SIGLEC12: variants seen among roughly 807,000 people sequenced by gnomAD.
SIGLEC12 encodes the protein sialic acid binding Ig like lectin 12.
In SIGLEC12, 43 loss-of-function variants were observed where a neutral mutation model predicts 54.1. That is an observed-to-expected ratio of 0.80 (90% CI 0.62 to 1.03). SIGLEC12 has a LOEUF of 1.03. SIGLEC12 is among the 50% of genes least tolerant of loss of function. SIGLEC12 has a pLI of 0.00. For missense variants in SIGLEC12, 802 were observed against 735.2 expected, an observed-to-expected ratio of 1.09 and a Z score of -1.05; for synonymous variants, 357 against 307.6, an observed-to-expected ratio of 1.16 and a Z score of -1.68.
At chr19:51,492,646 A>G (rs1333410719) in intron 7 of SIGLEC12, among the ~76,000 whole-genome samples, 2 of 152,196 alleles carry the variant, frequency 1.3e-5, no homozygotes, top group African/African-American at 4.8e-5. Flanking sequence ...CCTTACAAGT[A>G]GTGAAAGGAG....
At position 51,499,719 on chromosome 19, in the gene SIGLEC12, G is replaced by C. The variant is rs1990340882; in HGVS notation, c.809-3C>G. Reference sequence around the variant, plus strand: ...GAAGGTGGGCATGTGAGTCAGGGCTGGTGATGAAAGGGAGACAGGCAAAAT... The same window carrying C: ...GAAGGTGGGCATGTGAGTCAGGGCTCGTGATGAAAGGGAGACAGGCAAAAT... On this transcript the variant is annotated splice_region_variant and splice_polypyrimidine_tract_variant and intron_variant, in intron 2 of 7. Coordinates refer to ENST00000291707, the MANE Select transcript of SIGLEC12 (RefSeq NM_053003.4). 6.2e-7 allele frequency: 1 copy of C among 1,613,430 alleles called. No individual in the cohort carries two copies. The highest frequency in any genetic ancestry group is 1.3e-5 in the African/African-American group (1 of 74,916).
rs1242593837 is a variant in SIGLEC12 at position 51,499,141 on chromosome 19, C to G, written c.1135+29G>C. ...CCCCTGAGTTGAAGGCTCTGCTCCT[C>G]CAGCCCCAGGGAGAGGACTCCATCT... is the stretch of plus-strand genomic sequence containing the variant. On this transcript the variant is annotated intron_variant, in intron 4 of 7. Coordinates refer to ENST00000291707, the MANE Select transcript of SIGLEC12 (RefSeq NM_053003.4). The G allele has an allele frequency of 3.7e-6, 6 of 1,613,076 alleles. No homozygotes were observed. The East Asian group carries it at 1.1e-4, about 30-fold the overall frequency.
rs760985076 is a variant in SIGLEC12, at chr19:51,496,862, G to A, written c.1599+18C>T. On this transcript the variant is annotated intron_variant, in intron 7 of 7. Coordinates refer to ENST00000291707, the MANE Select transcript of SIGLEC12 (RefSeq NM_053003.4). ...GGAGAAAGCAGGGGAGAAGGGCTGTGATTCAATGCTCACTCACCTGAGAGG... is the reference window on the plus strand; with the variant it reads ...GGAGAAAGCAGGGGAGAAGGGCTGTAATTCAATGCTCACTCACCTGAGAGG... The A allele has an allele frequency of 6.2e-7, 1 of 1,612,830 alleles. No homozygotes were observed. Among genetic ancestry groups the A allele is most frequent in the African/African-American group, 1.3e-5 (1 of 74,910 alleles).
At chr19:51,495,583 C>A (rs1369983535) in intron 7 of SIGLEC12, among the ~76,000 whole-genome samples, 4 of 152,312 alleles carry the variant, frequency 2.6e-5, no homozygotes, top group East Asian at 3.9e-4. Context: ...TTCTACATTG[C>A]ATTTTCCCTA....
chr19:51,500,238 C>G lies in SIGLEC12; in HGVS notation c.490G>C (p.Gly164Arg). 1 of 1,614,164 alleles carries G rather than the reference C, an allele frequency of 6.2e-7. No homozygotes were observed. Among genetic ancestry groups the G allele is most frequent in the South Asian group, 1.1e-5 (1 of 91,084 alleles). Residue 164 changes from glycine (G) to arginine (R), a missense_variant, in exon 2 of 8, where the codon GGT (glycine) becomes CGT (arginine). By Grantham distance (125) the Gly-to-Arg change is moderately radical (BLOSUM62 -2). Transcript: ENST00000291707. ...CTGCAGGGCACAGAGACACACAGAC[C>G]CTCCTGCACAGTCACCGACTCTGGC... ...EVPESVTVQE[G>R]LCVSVPCSVL...
chr19:51,494,027 G>C (rs188402841), intron 7 of SIGLEC12, among the ~76,000 whole-genome samples: 1 of 152,080 alleles, frequency 6.6e-6, no homozygotes, highest in Non-Finnish European at 1.5e-5. Flanking sequence ...TCACACAGAC[G>C]TCCTTGTGGA....
intron 7 of SIGLEC12, 122 bp downstream of exon 7, chr19:51,496,758 T>A (rs1028474299): frequency 1.9e-6 from 2 of 1,058,920 alleles, no homozygotes; most frequent in African/African-American, 3.1e-5. Context: ...GAGGAAAAAG[T>A]GGACAGGACG....
At chr19:51,497,197 C>T (rs1599953288) in intron 6 of SIGLEC12, 152 bp downstream of exon 6, 5 of 864,886 alleles carry the variant, frequency 5.8e-6, no homozygotes, top group East Asian at 2.6e-5. Context: ...CAAACAGGGG[C>T]GCTCATGAAA....
intron 7 of SIGLEC12, among the ~76,000 whole-genome samples, chr19:51,495,217 GTGGATGGATGGATGGA>G (rs1399460575): frequency 2.5e-5 from 2 of 78,818 alleles, no homozygotes; most frequent in East Asian, 4.1e-4. Context: ...GGGTGGGTGG[GTGGATGGATGGATGGA>G]TGGATGGATG....
At chr19:51,500,426 A>G in intron 1 of SIGLEC12, 126 bp from the exon 2 acceptor site, 1 of 1,558,074 alleles carries the variant, frequency 6.4e-7, no homozygotes, top group East Asian at 2.4e-5. Flanking sequence ...AGGGGGAGGG[A>G]GAGGAGGGGC....
rs753224119 is a variant in SIGLEC12, at chr19:51,496,860, G to A, written c.1599+20C>T. ...TGGGAGAAAGCAGGGGAGAAGGGCT[G>A]TGATTCAATGCTCACTCACCTGAGA... On this transcript the variant is annotated intron_variant, in intron 7 of 7. Coordinates refer to ENST00000291707, the MANE Select transcript of SIGLEC12 (RefSeq NM_053003.4). 4.3e-6 allele frequency: 7 copies of A among 1,612,776 alleles called. No homozygotes were observed. The highest frequency in any genetic ancestry group is 1.7e-6 in the Non-Finnish European group (2 of 1,178,732).
In SIGLEC12 at chr19:51,499,610, G is replaced by T. The variant is rs201774861; in HGVS notation, c.915C>A (p.Pro305=). ...CGGAGGCCCCCATCCAGGTGATCGT[G>T]GGGGGCGTCCCCTGTTCACAGGCCC... ...VPWACEQGTP[P]TITWMGASVS... The change falls in exon 3 of 8, where the codon CCC becomes CCA. Residue 305 remains proline, a synonymous_variant. Transcript: ENST00000291707. 60 of 1,613,054 alleles carry T rather than the reference G, an allele frequency of 3.7e-5. No homozygotes were observed. Among genetic ancestry groups the T allele is most frequent in the Non-Finnish European group, 4.8e-5 (57 of 1,179,630 alleles).
At chr19:51,495,437 A>T (rs1300978522) in intron 7 of SIGLEC12, among the ~76,000 whole-genome samples, 2 of 146,034 alleles carry the variant, frequency 1.4e-5, no homozygotes, top group African/African-American at 5.1e-5. Flanking sequence ...GGATGGATGG[A>T]TGGATGGACT....
Position 51,499,711 on chromosome 19 carries a change from T to A in SIGLEC12, c.814A>T (p.Thr272Ser). The A allele has an allele frequency of 6.2e-7, 1 of 1,613,650 alleles. No individual in the cohort carries two copies. Among genetic ancestry groups the A allele is most frequent in the Non-Finnish European group, 8.5e-7 (1 of 1,179,800 alleles). ...GGGATGGAGAAGGTGGGCATGTGAG[T>A]CAGGGCTGGTGATGAAAGGGAGACA... The part of the protein sequence containing the change: ...DKLSVHVTAL[T>S]HMPTFSIPGT... Residue 272 changes from threonine to serine, a missense_variant, in exon 3 of 8, where the codon ACT becomes TCT. Thr to Ser is a moderately conservative substitution (Grantham distance 58). Transcript: ENST00000291707.
chr19:51,496,763 A>G, intron 7 of SIGLEC12, 117 bp downstream of exon 7: 2 of 1,125,224 alleles, frequency 1.8e-6, no homozygotes, highest in Non-Finnish European at 2.6e-6. Context: ...AAAAGTGGAC[A>G]GGACGTGATT....
intron 1 of SIGLEC12, among the ~76,000 whole-genome samples, chr19:51,500,871 G>A (rs1186804902): frequency 6.6e-6 from 1 of 152,032 alleles, no homozygotes; most frequent in Non-Finnish European, 1.5e-5. Context: ...ACGGGGTTGT[G>A]TAGACCTAAG....
rs1990262140 is a variant in SIGLEC12, at chr19:51,497,097, G to A, written c.1503-121C>T. The A allele has an allele frequency of 2.7e-6, 4 of 1,498,408 alleles. No individual in the cohort carries two copies. The South Asian group carries it at 4.6e-5, about 17-fold the overall frequency. 92.8% of individuals were successfully genotyped at this position (1,498,408 alleles called of 1,614,324 possible). On this transcript the variant is annotated intron_variant, in intron 6 of 7. Transcript: ENST00000291707. ...GGGGTAACTGAGGCGGGAGGGGAGT[G>A]GTCCCATTCCAGAGACCCCAATGTC... is the stretch of plus-strand genomic sequence containing the variant.
At chr19:51,495,413 G>GGA (rs1990216485) in intron 7 of SIGLEC12, among the ~76,000 whole-genome samples, 1 of 41,520 alleles carries the variant, frequency 2.4e-5, no homozygotes, top group African/African-American at 8.4e-5. Flanking sequence ...GGGTGGGTGG[G>GGA]TGGATGGATG....
chr19:51,491,922 C>G (rs917155799), intron 7 of SIGLEC12, 93 bp from the exon 8 acceptor site: 3 of 940,506 alleles, frequency 3.2e-6, no homozygotes, highest in South Asian at 1.8e-5. Flanking sequence ...GTTCCTTCCT[C>G]CATTCATCCC....
Sources: allele counts gnomAD v4.1 joint callset (sites outside exome capture counted in the v4.1 genomes callset), GRCh38; gene constraint gnomAD v4.1.1; transcripts MANE v1.5; gene names NCBI Gene and HGNC (gene_info 2026-07-23, HGNC 2026-07-21).